The following SLC39A12 variants were observed in gnomAD, a reference collection of about 807,000 sequenced individuals.
The protein encoded by SLC39A12 is solute carrier family 39 member 12, also known as zinc transporter ZIP12.
Under a neutral mutation model 71.1 loss-of-function variants are expected in SLC39A12, and 63 were observed. The observed-to-expected ratio is 0.89, with a 90% CI of 0.72 to 1.09. The LOEUF (loss-of-function observed/expected upper bound fraction) is 1.09, where lower values mean the gene tolerates loss of function less well. Ranked by LOEUF, SLC39A12 falls within the 50% of genes least tolerant of loss-of-function variation. The pLI, the probability that SLC39A12 is intolerant of heterozygous loss-of-function variation, is 0.00. For synonymous variants in SLC39A12, 351 were observed against 301.3 expected, an observed-to-expected ratio of 1.16 and a Z score of -1.71; for missense variants, 892 against 812.6, an observed-to-expected ratio of 1.10 and a Z score of -1.19.
chr10:18,039,586 G>T (rs1233252320), intron 12 of SLC39A12, among the ~76,000 whole-genome samples: 3 of 145,604 alleles, frequency 2.1e-5, no homozygotes, highest in African/African-American at 7.6e-5. Flanking sequence ...AAATTAGCTG[G>T]GTAGGGTAGT....
chr10:17,991,863 C>A (rs568679832), intron 8 of SLC39A12, among the ~76,000 whole-genome samples: 33 of 151,936 alleles, frequency 2.2e-4, no homozygotes, highest in Middle Eastern at 3.4e-3. Flanking sequence ...CCGAGGCAGG[C>A]GGATCACCTG....
At chr10:17,973,525 T>G (rs1334489846) in intron 4 of SLC39A12, among the ~76,000 whole-genome samples, 1 of 152,182 alleles carries the variant, frequency 6.6e-6, no homozygotes, top group Non-Finnish European at 1.5e-5. Context: ...AGGGTAACAG[T>G]TTTCTTCCTT....
intron 10 of SLC39A12, among the ~76,000 whole-genome samples, chr10:17,996,175 G>C (rs1403851378): frequency 6.6e-6 from 1 of 152,170 alleles, no homozygotes; most frequent in Non-Finnish European, 1.5e-5. Context: ...ATTCAAATCA[G>C]TGATCTCATT....
chr10:18,042,943 T>G lies in SLC39A12; in HGVS notation c.*110T>G. The G allele has an allele frequency of 1.2e-6, 1 of 861,536 alleles. No individual in the cohort carries two copies. 53.4% of individuals were successfully genotyped at this position (861,536 alleles called of 1,614,324 possible). On this transcript the variant is annotated 3_prime_UTR_variant, in exon 13 of 13. Coordinates refer to ENST00000377369, the MANE Select transcript of SLC39A12 (RefSeq NM_001145195.2). The stretch of plus-strand genomic sequence containing the variant: ...TAAGAATTTTTTATCTTAGGCAAAG[T>G]GTGTCTCTTTCAATTCATTAACTTA...
chr10:18,035,728 G>T (rs552480893), intron 12 of SLC39A12, among the ~76,000 whole-genome samples: 3 of 152,298 alleles, frequency 2.0e-5, no homozygotes, highest in Non-Finnish European at 4.4e-5. Context: ...GATGCTCTGC[G>T]TTTTAGAGTT....
At chr10:17,986,263 G>T (rs1309957139) in intron 6 of SLC39A12, among the ~76,000 whole-genome samples, 1 of 152,198 alleles carries the variant, frequency 6.6e-6, no homozygotes, top group Non-Finnish European at 1.5e-5. Flanking sequence ...CTTGCTTGCT[G>T]CAATAATTTT....
intron 2 of SLC39A12, among the ~76,000 whole-genome samples, chr10:17,955,033 G>A (rs1249901874): frequency 6.6e-6 from 1 of 152,182 alleles, no homozygotes; most frequent in Non-Finnish European, 1.5e-5. Flanking sequence ...AACACAAGAT[G>A]TCCCACTGGA....
At chr10:18,013,357 T>C (rs1836286727) in intron 12 of SLC39A12, among the ~76,000 whole-genome samples, 1 of 143,980 alleles carries the variant, frequency 6.9e-6, no homozygotes, top group Non-Finnish European at 1.5e-5. Context: ...TTATTATTAT[T>C]ATTATTATTA....
intron 4 of SLC39A12, among the ~76,000 whole-genome samples, chr10:17,966,834 C>T (rs547905114): frequency 7.2e-5 from 11 of 151,782 alleles, no homozygotes; most frequent in African/African-American, 2.2e-4. Context: ...ATTAGCCAGG[C>T]GTGGTGGCGT....
At chr10:17,963,379 G>A (rs1233112148) in intron 3 of SLC39A12, among the ~76,000 whole-genome samples, 1 of 152,296 alleles carries the variant, frequency 6.6e-6, no homozygotes, top group East Asian at 1.9e-4. Context: ...GTGATGTGGT[G>A]TGTATTTCCA....
chr10:17,988,180 C>T (rs11594139), intron 7 of SLC39A12, among the ~76,000 whole-genome samples: 17,658 of 152,126 alleles, frequency 0.12, 1,154 homozygotes, highest in Non-Finnish European at 0.13. Flanking sequence ...TAGTGCCATG[C>T]GTCTGTAATC....
chr10:17,974,284 C>G (rs12243310), intron 4 of SLC39A12, among the ~76,000 whole-genome samples: 4 of 151,766 alleles, frequency 2.6e-5, no homozygotes, highest in Non-Finnish European at 5.9e-5. Context: ...ATTCATTCGG[C>G]GAGGTCATTT....
rs1554848380 is a variant in SLC39A12, at chr10:17,961,602, T to C, written c.283T>C (p.Leu95=). The C allele has an allele frequency of 1.9e-6, 3 of 1,613,216 alleles. No individual in the cohort carries two copies. Among genetic ancestry groups the C allele is most frequent in the Admixed American group, 1.7e-5 (1 of 59,884 alleles). The part of the protein sequence containing the change: ...CNLCFEPDAL[L]LIAGGNFEDQ... The stretch of plus-strand genomic sequence containing the variant: ...ACAGTGCTTTGAACCAGATGCACTA[T>C]TACTAATAGCTGGAGGAAATTTTGA... Residue 95 remains leucine (L), a synonymous_variant, in exon 3 of 13, where the codon TTA becomes CTA. Coordinates refer to ENST00000377369, the MANE Select transcript of SLC39A12 (RefSeq NM_001145195.2).
chr10:18,016,925 T>C (rs1441094526), intron 12 of SLC39A12, among the ~76,000 whole-genome samples: 1 of 152,210 alleles, frequency 6.6e-6, no homozygotes, highest in Non-Finnish European at 1.5e-5. Context: ...TCCTTGTCTA[T>C]TTTGGATACC....
At chr10:18,000,563 A>G (rs1835804014) in intron 10 of SLC39A12, 104 bp from the exon 11 acceptor site, 1 of 1,051,300 alleles carries the variant, frequency 9.5e-7, no homozygotes, top group Non-Finnish European at 1.4e-6. Context: ...CAGATGGAAT[A>G]TAAGAATGTC....
rs574401305 is a variant in SLC39A12 at position 17,970,286 on chromosome 10, T to C, written c.751+4596T>C. 1.1e-4 allele frequency among the ~76,000 whole-genome samples: 17 copies of C among 152,334 alleles called. No homozygotes were observed. In the East Asian group the frequency reaches 2.9e-3, roughly 26 times the overall value. On this transcript the variant is annotated intron_variant, in intron 4 of 12. Coordinates refer to ENST00000377369, the MANE Select transcript of SLC39A12 (RefSeq NM_001145195.2). ...CTGTTCTGGATCTTTTGTGATTCCA[T>C]ATAAATTTTAGGGTAGTTTTTTCTA...
Position 18,033,440 on chromosome 10 carries a change from A to G in SLC39A12, c.1948-9265A>G, listed in dbSNP as rs1836908556. Reference sequence around the variant, plus strand: ...TAGATTTTCTAGTTTATTTGCGTAGAGGTGTTTGTAGTATCCTCTGACGGT... The same window carrying G: ...TAGATTTTCTAGTTTATTTGCGTAGGGGTGTTTGTAGTATCCTCTGACGGT... On this transcript the variant is annotated intron_variant, in intron 12 of 12. Coordinates refer to ENST00000377369, the MANE Select transcript of SLC39A12 (RefSeq NM_001145195.2). Among the ~76,000 whole-genome samples the G allele has an allele frequency of 1.3e-5, 2 of 151,148 alleles. 1 individual carries two copies. Among genetic ancestry groups the G allele is most frequent in the South Asian group, 4.2e-4 (2 of 4,778 alleles).
rs1564642097 is a variant in SLC39A12, at chr10:17,971,299, T to TC, written c.751+5611dup. On this transcript the variant is annotated intron_variant, in intron 4 of 12. Coordinates refer to ENST00000377369, the MANE Select transcript of SLC39A12 (RefSeq NM_001145195.2). ...CCCCTCCCCTCCCCTCCCCTCCCCT[T>TC]CCTTTCCTGATGTGTCTTTGGTTTG... Among the ~76,000 whole-genome samples the TC allele has an allele frequency of 2.2e-4, 13 of 59,162 alleles. 1 individual carries two copies. Among genetic ancestry groups the TC allele is most frequent in the African/African-American group, 8.4e-4 (13 of 15,424 alleles). 38.8% of individuals were successfully genotyped at this position (59,162 alleles called of 152,430 possible).
chr10:18,037,075 C>G (rs995154407), intron 12 of SLC39A12, among the ~76,000 whole-genome samples: 1 of 151,874 alleles, frequency 6.6e-6, no homozygotes, highest in Non-Finnish European at 1.5e-5. Context: ...GTGTGAGCCA[C>G]CATGCCCAGC....
Sources: gnomAD v4.1 joint callset for allele counts (sites outside exome capture counted in the v4.1 genomes callset) on GRCh38, gnomAD v4.1.1 for gene constraint, MANE v1.5 for transcripts, NCBI Gene and HGNC (gene_info 2026-07-23, HGNC 2026-07-21) for gene names.